CPNE4: variants seen among roughly 807,000 people sequenced by gnomAD.
CPNE4 encodes the protein copine-4.
Under a neutral mutation model 67.9 loss-of-function variants are expected in CPNE4, and 25 were observed. The observed-to-expected ratio is 0.37, with a 90% CI of 0.27 to 0.51. The LOEUF (loss-of-function observed/expected upper bound fraction) is 0.51. CPNE4 is among the 20% of genes least tolerant of loss of function. CPNE4 has a pLI of 0.93. For synonymous variants in CPNE4, 242 were observed against 244.9 expected, an observed-to-expected ratio of 0.99 and a Z score of 0.11; for missense variants, 464 against 690.8, an observed-to-expected ratio of 0.67 and a Z score of 3.68.
rs1057483008 is a variant in CPNE4, at chr3:131,787,146, C to A, written c.181-63521G>T. ...GTCATTTGTAAGATTTCTCCTGGGT[C>A]TCCAGAATTAAGTTTTTATAGACAC... is the stretch of plus-strand genomic sequence containing the variant. On this transcript the variant is annotated intron_variant, in intron 2 of 15. Coordinates refer to ENST00000429747, the MANE Select transcript of CPNE4 (RefSeq NM_130808.3). Among the ~76,000 whole-genome samples the A allele has an allele frequency of 1.2e-4, 18 of 152,182 alleles. 1 individual carries two copies. Among genetic ancestry groups the A allele is most frequent in the Non-Finnish European group, 2.9e-5 (2 of 68,028 alleles).
intron 2 of CPNE4, among the ~76,000 whole-genome samples, chr3:131,740,571 G>C (rs1025114087): frequency 2.6e-5 from 4 of 151,980 alleles, no homozygotes; most frequent in African/African-American, 9.7e-5. Flanking sequence ...GGATCTCACG[G>C]CTTCTCACCT....
At chr3:131,776,339 T>C (rs1233483668) in intron 2 of CPNE4, among the ~76,000 whole-genome samples, 2 of 147,452 alleles carry the variant, frequency 1.4e-5, no homozygotes, top group South Asian at 4.3e-4. Flanking sequence ...GTTTCACTGA[T>C]AGCAAATGGC....
At chr3:131,572,204 A>G (rs1937371747) in intron 10 of CPNE4, among the ~76,000 whole-genome samples, 2 of 152,182 alleles carry the variant, frequency 1.3e-5, no homozygotes, top group East Asian at 1.9e-4. Flanking sequence ...TATATTTTGT[A>G]TTGGTCAGAG....
chr3:131,811,468 A>G (rs558443890), intron 2 of CPNE4, among the ~76,000 whole-genome samples: 40 of 152,228 alleles, frequency 2.6e-4, no homozygotes, highest in Non-Finnish European at 5.3e-4. Context: ...AGAGAAATGA[A>G]AGAAGGACAA....
intron 2 of CPNE4, among the ~76,000 whole-genome samples, chr3:131,853,595 T>C (rs1352604685): frequency 6.6e-6 from 1 of 151,816 alleles, no homozygotes; most frequent in African/African-American, 2.4e-5. Flanking sequence ...TAACCAAACT[T>C]TTTTTCTCTT....
intron 7 of CPNE4, among the ~76,000 whole-genome samples, chr3:131,621,849 AT>A: frequency 7.7e-6 from 1 of 129,138 alleles, no homozygotes; most frequent in African/African-American, 4.4e-5. Flanking sequence ...TGTACAAAAA[AT>A]ACAAAAAAAA....
chr3:131,850,328 C>T (rs1205644455), intron 2 of CPNE4, among the ~76,000 whole-genome samples: 2 of 152,106 alleles, frequency 1.3e-5, no homozygotes, highest in Non-Finnish European at 2.9e-5. Context: ...AGGCATTCTG[C>T]TGTCTGTCCT....
chr3:132,031,905 G>A (rs186716322), intron 1 of CPNE4, among the ~76,000 whole-genome samples: 1 of 151,988 alleles, frequency 6.6e-6, no homozygotes, highest in African/African-American at 2.4e-5. Flanking sequence ...AAGAATCAAA[G>A]CTTTTTTCTA....
chr3:131,901,389 A>AT (rs1050541313), intron 2 of CPNE4, among the ~76,000 whole-genome samples: 4 of 152,062 alleles, frequency 2.6e-5, no homozygotes, highest in Non-Finnish European at 4.4e-5. Flanking sequence ...ATGAAGAGGG[A>AT]TTTTTTTAAA....
chr3:131,548,702 G>C (rs546621362), intron 14 of CPNE4, among the ~76,000 whole-genome samples: 10 of 152,180 alleles, frequency 6.6e-5, no homozygotes, highest in African/African-American at 2.4e-4. Context: ...AATATAGGGA[G>C]CGAAAGAGAA....
chr3:131,729,296 G>A (rs543607986), intron 2 of CPNE4, among the ~76,000 whole-genome samples: 2 of 152,258 alleles, frequency 1.3e-5, no homozygotes, highest in Admixed American at 1.3e-4. Context: ...TTTAGTGAGG[G>A]TAGGGAGAAA....
intron 5 of CPNE4, among the ~76,000 whole-genome samples, chr3:131,693,313 A>G (rs2081072664): frequency 6.6e-6 from 1 of 152,194 alleles, no homozygotes; most frequent in Admixed American, 6.5e-5. Flanking sequence ...TGTATGTATT[A>G]ATATTTACCA....
At chr3:131,653,627 A>T (rs2079873124) in intron 7 of CPNE4, among the ~76,000 whole-genome samples, 1 of 152,212 alleles carries the variant, frequency 6.6e-6, no homozygotes, top group East Asian at 1.9e-4. Flanking sequence ...CCTTAACATG[A>T]TCCAAATGTT....
At chr3:131,789,002 CCAG>C (rs1393693387) in intron 2 of CPNE4, among the ~76,000 whole-genome samples, 1 of 96,300 alleles carries the variant, frequency 1.0e-5, no homozygotes, top group Non-Finnish European at 2.2e-5. Flanking sequence ...GAGAACTCAA[CCAG>C]ACACACACAC....
At chr3:131,709,145 A>G (rs190198243) in intron 3 of CPNE4, among the ~76,000 whole-genome samples, 2 of 151,888 alleles carry the variant, frequency 1.3e-5, no homozygotes, top group East Asian at 3.9e-4. Flanking sequence ...GCTTTTTATT[A>G]GTTATCTCTC....
At chr3:131,615,907 ACACACACACACACACACACACG>A (rs1391582978) in intron 7 of CPNE4, among the ~76,000 whole-genome samples, 1,217 of 98,250 alleles carry the variant, frequency 0.012, 26 homozygotes, top group African/African-American at 0.082. Flanking sequence ...ACACACACAC[ACACACACACACACACACACACG>A]CACACACACA....
chr3:131,714,060 T>A, intron 3 of CPNE4, among the ~76,000 whole-genome samples: 1 of 152,154 alleles, frequency 6.6e-6, no homozygotes, highest in Middle Eastern at 3.2e-3. Flanking sequence ...GGAGAATGAC[T>A]TCCCTGCTGT....
At chr3:131,591,612 C>G (rs868094230) in intron 7 of CPNE4, among the ~76,000 whole-genome samples, 1 of 151,930 alleles carries the variant, frequency 6.6e-6, no homozygotes, top group African/African-American at 2.4e-5. Context: ...TCAGGGGCCT[C>G]TCAGCAGCAG....
chr3:131,762,916 A>T (rs1419505112), intron 2 of CPNE4, among the ~76,000 whole-genome samples: 1 of 152,046 alleles, frequency 6.6e-6, no homozygotes, highest in Non-Finnish European at 1.5e-5. Context: ...ACGACAGAAA[A>T]AAAAAAGCCA....
Sources: allele counts gnomAD v4.1 joint callset (sites outside exome capture counted in the v4.1 genomes callset), GRCh38; gene constraint gnomAD v4.1.1; transcripts MANE v1.5; gene names NCBI Gene and HGNC (gene_info 2026-07-23, HGNC 2026-07-21).